The following UBE2E2 variants were observed in gnomAD, a reference collection of about 807,000 sequenced individuals.
UBE2E2 encodes the protein ubiquitin conjugating enzyme E2 E2.
Under a neutral mutation model 24.7 loss-of-function variants are expected in UBE2E2, and 6 were observed. That is an observed-to-expected ratio of 0.24 (90% CI 0.13 to 0.48). UBE2E2 has a LOEUF of 0.48. Ranked by LOEUF, UBE2E2 falls within the 20% of genes least tolerant of loss-of-function variation. UBE2E2 has a pLI of 0.99. For missense variants in UBE2E2, 169 were observed against 245.0 expected (o/e 0.69, Z 2.07); for synonymous variants, 104 against 83.6 (o/e 1.24, Z -1.33).
intron 3 of UBE2E2, among the ~76,000 whole-genome samples, chr3:23,243,051 A>C (rs1388750497): frequency 6.6e-6 from 1 of 151,732 alleles, no homozygotes; most frequent in Non-Finnish European, 1.5e-5. Flanking sequence ...ATGCCACTGC[A>C]CTCCAGCCTG....
intron 3 of UBE2E2, among the ~76,000 whole-genome samples, chr3:23,336,561 G>A (rs1162599231): frequency 6.6e-6 from 1 of 152,148 alleles, no homozygotes; most frequent in African/African-American, 2.4e-5. Flanking sequence ...AGACATACTG[G>A]TCCTTGCATT....
chr3:23,498,507 G>A (rs13070136), intron 3 of UBE2E2, among the ~76,000 whole-genome samples: 9,772 of 152,166 alleles, frequency 0.064, 469 homozygotes, highest in Non-Finnish European at 0.088. Context: ...GAATCAATTT[G>A]GAGAAACTGA....
At chr3:23,336,170 T>A (rs1695204630) in intron 3 of UBE2E2, among the ~76,000 whole-genome samples, 2 of 152,212 alleles carry the variant, frequency 1.3e-5, no homozygotes, top group Non-Finnish European at 2.9e-5. Context: ...ATAATCAGTT[T>A]CCTAATATGT....
intron 3 of UBE2E2, among the ~76,000 whole-genome samples, chr3:23,297,531 T>G (rs1698946362): frequency 6.6e-6 from 1 of 152,244 alleles, no homozygotes; most frequent in South Asian, 2.1e-4. Context: ...TACCTATGGG[T>G]AGCCAGTTTT....
intron 3 of UBE2E2, among the ~76,000 whole-genome samples, chr3:23,352,162 A>G (rs992779095): frequency 2.0e-5 from 3 of 152,206 alleles, no homozygotes; most frequent in African/African-American, 7.2e-5. Flanking sequence ...GAAGGCAGAA[A>G]TAAAGATGTT....
At chr3:23,206,678 C>T (rs1696156129) in intron 1 of UBE2E2, among the ~76,000 whole-genome samples, 1 of 152,144 alleles carries the variant, frequency 6.6e-6, no homozygotes, top group Admixed American at 6.6e-5. Flanking sequence ...TGCTTCCATT[C>T]TTTTGCAGTG....
intron 3 of UBE2E2, among the ~76,000 whole-genome samples, chr3:23,268,852 G>C (rs886688997): frequency 3.9e-5 from 6 of 152,014 alleles, no homozygotes; most frequent in African/African-American, 1.5e-4. Flanking sequence ...TACCGAAACA[G>C]AGATATAGAT....
At chr3:23,585,444 T>C (rs1696605300) in intron 5 of UBE2E2, among the ~76,000 whole-genome samples, 2 of 151,892 alleles carry the variant, frequency 1.3e-5, no homozygotes, top group South Asian at 2.1e-4. Context: ...AAGCTTTGTA[T>C]ACCTAACTTC....
chr3:23,355,002 G>A (rs904214706), intron 3 of UBE2E2, among the ~76,000 whole-genome samples: 4 of 151,824 alleles, frequency 2.6e-5, no homozygotes, highest in Non-Finnish European at 4.4e-5. Context: ...ACGATAGACT[G>A]GATTAAGAAA....
At chr3:23,238,669 T>C (rs1332295913) in intron 3 of UBE2E2, among the ~76,000 whole-genome samples, 2 of 152,192 alleles carry the variant, frequency 1.3e-5, no homozygotes, top group Non-Finnish European at 2.9e-5. Context: ...ATTTGCATAT[T>C]CATAATGAGC....
intron 3 of UBE2E2, among the ~76,000 whole-genome samples, chr3:23,491,463 G>C (rs1354549615): frequency 1.3e-5 from 2 of 152,204 alleles, no homozygotes; most frequent in Non-Finnish European, 2.9e-5. Flanking sequence ...GCCTTTAGGG[G>C]ATCAGAAAGG....
intron 5 of UBE2E2, among the ~76,000 whole-genome samples, chr3:23,536,791 T>C (rs935018568): frequency 1.3e-5 from 2 of 152,184 alleles, no homozygotes; most frequent in African/African-American, 2.4e-5. Flanking sequence ...GAGTGATGAG[T>C]ATACACATGG....
At chr3:23,569,778 T>C (rs1352101271) in intron 5 of UBE2E2, among the ~76,000 whole-genome samples, 1 of 152,228 alleles carries the variant, frequency 6.6e-6, no homozygotes, top group Non-Finnish European at 1.5e-5. Flanking sequence ...TATTTCAAAG[T>C]GTGCATTGAT....
intron 3 of UBE2E2, among the ~76,000 whole-genome samples, chr3:23,251,166 G>A (rs1256061624): frequency 6.6e-6 from 1 of 152,124 alleles, no homozygotes; most frequent in Non-Finnish European, 1.5e-5. Flanking sequence ...TTAATTCATC[G>A]TGTGTGTATC....
At chr3:23,373,011 T>G (rs1046723342) in intron 3 of UBE2E2, among the ~76,000 whole-genome samples, 12 of 152,272 alleles carry the variant, frequency 7.9e-5, no homozygotes, top group Admixed American at 1.3e-4. Context: ...CTTGGACCTT[T>G]TATCTTATAA....
intron 3 of UBE2E2, among the ~76,000 whole-genome samples, chr3:23,353,996 G>C (rs1012688292): frequency 3.9e-5 from 6 of 152,276 alleles, no homozygotes; most frequent in African/African-American, 9.6e-5. Context: ...ATACTACAAG[G>C]CTACAGTAAC....
chr3:23,269,421 G>C (rs897065268), intron 3 of UBE2E2, among the ~76,000 whole-genome samples: 2 of 152,162 alleles, frequency 1.3e-5, no homozygotes, highest in African/African-American at 4.8e-5. Flanking sequence ...GGCTTTTGGG[G>C]CTCTATTGCT....
intron 5 of UBE2E2, among the ~76,000 whole-genome samples, chr3:23,561,696 A>T (rs1695933107): frequency 6.6e-6 from 1 of 151,910 alleles, no homozygotes; most frequent in Non-Finnish European, 1.5e-5. Flanking sequence ...GATTCTTCCT[A>T]CCCATGAGCA....
chr3:23,480,500 G>A (rs1314679563), intron 3 of UBE2E2, among the ~76,000 whole-genome samples: 1 of 152,150 alleles, frequency 6.6e-6, no homozygotes, highest in Non-Finnish European at 1.5e-5. Flanking sequence ...GCTCCCGCCT[G>A]ATCCCAGCCC....
Sources: allele counts gnomAD v4.1 joint callset (sites outside exome capture counted in the v4.1 genomes callset), GRCh38; gene constraint gnomAD v4.1.1; transcripts MANE v1.5; gene names NCBI Gene and HGNC (gene_info 2026-07-23, HGNC 2026-07-21).